Variants in CNTNAP5 observed in about 807,000 individuals in gnomAD.
CNTNAP5 encodes contactin associated protein family member 5.
CNTNAP5 carries 72 observed loss-of-function variants against 150.2 expected under a neutral mutation model. That is an observed-to-expected ratio of 0.48 (90% confidence interval 0.40 to 0.58). The LOEUF (loss-of-function observed/expected upper bound fraction) is 0.58. Among genes scored for constraint, CNTNAP5 ranks in the 20% least tolerant of loss-of-function variants. The pLI, the probability that CNTNAP5 is intolerant of heterozygous loss-of-function variation, is 0.00. For missense variants in CNTNAP5, 1,636 were observed against 1,626.2 expected (o/e 1.01, Z -0.10); for synonymous variants, 672 against 619.8 (o/e 1.08, Z -1.25).
chr2:124,766,145 G>A (rs71428162), intron 16 of CNTNAP5, among the ~76,000 whole-genome samples: 16,346 of 151,970 alleles, frequency 0.11, 1,196 homozygotes, highest in Non-Finnish European at 0.16. Context: ...TTGGTTCTCT[G>A]CATGCAGCAC....
chr2:124,891,035 A>G (rs960585431), intron 21 of CNTNAP5, among the ~76,000 whole-genome samples: 6 of 152,142 alleles, frequency 3.9e-5, no homozygotes, highest in African/African-American at 1.4e-4. Context: ...GGTGTATTAA[A>G]CCACCTCATA....
At chr2:124,255,986 C>A (rs906780813) in intron 3 of CNTNAP5, among the ~76,000 whole-genome samples, 2 of 152,128 alleles carry the variant, frequency 1.3e-5, no homozygotes, top group African/African-American at 4.8e-5. Context: ...ATACATATAA[C>A]ATCTTTTAAC....
intron 3 of CNTNAP5, among the ~76,000 whole-genome samples, chr2:124,337,686 A>T (rs1689508530): frequency 6.6e-6 from 1 of 151,980 alleles, no homozygotes; most frequent in African/African-American, 2.4e-5. Flanking sequence ...ATAGTTGTAG[A>T]TATGCGGCAT....
At chr2:124,606,532 A>AC (rs1697109941) in intron 11 of CNTNAP5, among the ~76,000 whole-genome samples, 1 of 152,212 alleles carries the variant, frequency 6.6e-6, no homozygotes, top group Non-Finnish European at 1.5e-5. Context: ...TTGAAAAAAA[A>AC]AATCAGGTAT....
chr2:124,284,538 G>C (rs781682214), intron 3 of CNTNAP5, among the ~76,000 whole-genome samples: 3 of 152,032 alleles, frequency 2.0e-5, no homozygotes, highest in Non-Finnish European at 4.4e-5. Context: ...GGGTTGATAG[G>C]TACAGCAAAC....
intron 12 of CNTNAP5, among the ~76,000 whole-genome samples, chr2:124,614,030 C>G (rs1573497532): frequency 1.3e-5 from 2 of 152,216 alleles, no homozygotes; most frequent in Admixed American, 1.3e-4. Context: ...GAGTAAGCTT[C>G]CAGAGGAACA....
chr2:124,269,791 TA>T (rs1687697680), intron 3 of CNTNAP5, among the ~76,000 whole-genome samples: 2 of 152,082 alleles, frequency 1.3e-5, no homozygotes, highest in South Asian at 4.1e-4. Context: ...ATGTATGTTT[TA>T]AAAAAGAAGT....
chr2:124,712,008 A>G (rs1679818657), intron 13 of CNTNAP5, among the ~76,000 whole-genome samples: 1 of 152,166 alleles, frequency 6.6e-6, no homozygotes, highest in South Asian at 2.1e-4. Context: ...CCATTAGCAG[A>G]AGGAAGCCTT....
At chr2:124,357,053 G>C (rs1690031252) in intron 3 of CNTNAP5, among the ~76,000 whole-genome samples, 1 of 152,142 alleles carries the variant, frequency 6.6e-6, no homozygotes, top group African/African-American at 2.4e-5. Context: ...TTCTCTGATG[G>C]CCAGTGATGA....
At chr2:124,454,709 G>T (rs770012479) in intron 6 of CNTNAP5, among the ~76,000 whole-genome samples, 1 of 151,974 alleles carries the variant, frequency 6.6e-6, no homozygotes, top group Admixed American at 6.6e-5. Context: ...GAACATGGGG[G>T]AATAAATCTG....
intron 14 of CNTNAP5, among the ~76,000 whole-genome samples, chr2:124,762,150 A>G (rs1234076294): frequency 6.6e-6 from 1 of 152,168 alleles, no homozygotes; most frequent in Non-Finnish European, 1.5e-5. Flanking sequence ...TGCAACATTC[A>G]TAGATGTACT....
intron 19 of CNTNAP5, among the ~76,000 whole-genome samples, chr2:124,842,639 C>A (rs1276795215): frequency 1.3e-5 from 2 of 152,060 alleles, no homozygotes; most frequent in Non-Finnish European, 2.9e-5. Flanking sequence ...AACAGAAGCA[C>A]TGAAATAGAA....
chr2:124,159,648 G>C (rs1325433767), intron 1 of CNTNAP5, among the ~76,000 whole-genome samples: 1 of 152,136 alleles, frequency 6.6e-6, no homozygotes, highest in Admixed American at 6.6e-5. Flanking sequence ...GTGACCCCTA[G>C]GTTTGCCTCT....
At chr2:124,781,355 C>T (rs773144086) in intron 17 of CNTNAP5, among the ~76,000 whole-genome samples, 14 of 152,150 alleles carry the variant, frequency 9.2e-5, no homozygotes, top group Non-Finnish European at 1.9e-4. Flanking sequence ...CAACTCCATG[C>T]GGAGGCAGGC....
intron 12 of CNTNAP5, among the ~76,000 whole-genome samples, chr2:124,613,899 C>CG (rs1396608756): frequency 1.3e-5 from 2 of 152,144 alleles, no homozygotes; most frequent in Non-Finnish European, 2.9e-5. Context: ...ACACTTTTGA[C>CG]GGGGTGCCAT....
At chr2:124,180,022 T>A (rs922601206) in intron 1 of CNTNAP5, among the ~76,000 whole-genome samples, 11 of 152,248 alleles carry the variant, frequency 7.2e-5, no homozygotes, top group Admixed American at 7.2e-4. Flanking sequence ...CCACAGTGAA[T>A]GAAAGAGATG....
intron 19 of CNTNAP5, among the ~76,000 whole-genome samples, chr2:124,814,122 T>A (rs748201251): frequency 1.3e-5 from 2 of 152,030 alleles, no homozygotes; most frequent in Non-Finnish European, 2.9e-5. Context: ...CTTTTTTTTT[T>A]ATGATTCTTA....
Position 124,703,922 on chromosome 2 carries a change from T to A in CNTNAP5, c.2078-43307T>A, listed in dbSNP as rs866956491. Among the ~76,000 whole-genome samples the A allele has an allele frequency of 5.3e-5, 8 of 152,164 alleles. No homozygotes were observed. The South Asian group carries it at 1.7e-3, about 31-fold the overall frequency. ...AGGACTAAATGGGGTTTAAAGAAAGTGTCCTAGATTTAGATATGAGTTTTT... is the reference window on the plus strand; with the variant it reads ...AGGACTAAATGGGGTTTAAAGAAAGAGTCCTAGATTTAGATATGAGTTTTT... On this transcript the variant is annotated intron_variant, in intron 13 of 23. Coordinates refer to ENST00000682447, the MANE Select transcript of CNTNAP5 (RefSeq NM_001367498.1).
intron 3 of CNTNAP5, among the ~76,000 whole-genome samples, chr2:124,386,263 T>A (rs1690924768): frequency 6.6e-6 from 1 of 152,224 alleles, no homozygotes; most frequent in African/African-American, 2.4e-5. Context: ...AGTAAAGAGA[T>A]ACTATTCATG....
Sources: allele counts gnomAD v4.1 joint callset (sites outside exome capture counted in the v4.1 genomes callset), GRCh38; gene constraint gnomAD v4.1.1; transcripts MANE v1.5; gene names NCBI Gene and HGNC (gene_info 2026-07-23, HGNC 2026-07-21).